ANO6: variants seen among roughly 807,000 people sequenced by gnomAD.
ANO6 encodes anoctamin 6.
ANO6 carries 106 observed loss-of-function variants against 117.5 expected under a neutral mutation model. That is an observed-to-expected ratio of 0.90 (90% CI 0.77 to 1.06). The LOEUF (loss-of-function observed/expected upper bound fraction) is 1.06, where lower values mean the gene tolerates loss of function less well. ANO6 is among the 50% of genes least tolerant of loss of function. The probability of loss-of-function intolerance (pLI) is 0.00; values close to 1 mark genes in which losing one functional copy is unlikely to be tolerated. For missense variants in ANO6, 955 were observed against 1,121.1 expected, an observed-to-expected ratio of 0.85 and a Z score of 2.12; for synonymous variants, 367 against 385.1, an observed-to-expected ratio of 0.95 and a Z score of 0.55.
At position 45,283,102 on chromosome 12, in the gene ANO6, A is replaced by G. The variant is rs559797632; in HGVS notation, c.71-18912A>G. Reference sequence around the variant, plus strand: ...CTTAGAAATTTTGGTGTCTCTCATAATGTTACACTCAACATCTTAACGTAC... The same window carrying G: ...CTTAGAAATTTTGGTGTCTCTCATAGTGTTACACTCAACATCTTAACGTAC... On this transcript the variant is annotated intron_variant, in intron 1 of 19. Transcript: ENST00000320560. Among the ~76,000 whole-genome samples the G allele has an allele frequency of 3.5e-4, 54 of 152,322 alleles. No individual in the cohort carries two copies. In the South Asian group the frequency reaches 5.0e-3, roughly 14 times the overall value.
chr12:45,280,035 T>C (rs1366890100), intron 1 of ANO6, among the ~76,000 whole-genome samples: 1 of 152,218 alleles, frequency 6.6e-6, no homozygotes, highest in African/African-American at 2.4e-5. Context: ...CACACTTGGA[T>C]TCATGTTCTC....
chr12:45,236,360 TC>T (rs1476118752), intron 1 of ANO6, among the ~76,000 whole-genome samples: 1 of 152,168 alleles, frequency 6.6e-6, no homozygotes, highest in Non-Finnish European at 1.5e-5. Context: ...AAAGTATTTC[TC>T]CTGATGATAT....
intron 1 of ANO6, among the ~76,000 whole-genome samples, chr12:45,274,861 A>G (rs2137241168): frequency 6.8e-6 from 1 of 147,394 alleles, no homozygotes; most frequent in South Asian, 2.2e-4. Context: ...TTGCTGCTGC[A>G]CTTCCTTCAG....
At chr12:45,340,242 A>G (rs979126579) in intron 3 of ANO6, among the ~76,000 whole-genome samples, 5 of 152,120 alleles carry the variant, frequency 3.3e-5, no homozygotes, top group African/African-American at 9.7e-5. Flanking sequence ...TAACCTCTCA[A>G]AAGAGGTATG....
rs1943593689 is a variant in ANO6 at position 45,429,893 on chromosome 12, G to C, written c.*582G>C. The C allele has an allele frequency of 1.0e-6, 1 of 989,234 alleles. No homozygotes were observed. The highest frequency in any genetic ancestry group is 1.2e-6 in the Non-Finnish European group (1 of 832,266). 61.3% of individuals were successfully genotyped at this position (989,234 alleles called of 1,614,324 possible). ...GAGGAAATAGTTTCAGTCTTCATTTGAGCATGTCTTTCCATCTCAAAAAAA... is the reference window on the plus strand; with the variant it reads ...GAGGAAATAGTTTCAGTCTTCATTTCAGCATGTCTTTCCATCTCAAAAAAA... On this transcript the variant is annotated 3_prime_UTR_variant, in exon 20 of 20. Transcript: ENST00000320560.
intron 1 of ANO6, among the ~76,000 whole-genome samples, chr12:45,271,837 G>T (rs1938402460): frequency 6.6e-6 from 1 of 152,152 alleles, no homozygotes; most frequent in Non-Finnish European, 1.5e-5. Context: ...TGCAAACTGG[G>T]CCTCGTTGTA....
intron 9 of ANO6, among the ~76,000 whole-genome samples, chr12:45,369,310 C>G (rs1332777650): frequency 6.6e-6 from 1 of 152,150 alleles, no homozygotes; most frequent in Non-Finnish European, 1.5e-5. Context: ...CCCTGAAGCA[C>G]TGGCTTTAAG....
chr12:45,227,261 C>G (rs1947498409), intron 1 of ANO6, among the ~76,000 whole-genome samples: 1 of 152,022 alleles, frequency 6.6e-6, no homozygotes, highest in African/African-American at 2.4e-5. Flanking sequence ...AAGTGATACC[C>G]ATAGTAAAGA....
chr12:45,430,857 G>C lies in ANO6; in HGVS notation c.*1546G>C. The C allele has an allele frequency of 3.0e-6, 3 of 985,376 alleles. No homozygotes were observed. Among genetic ancestry groups the C allele is most frequent in the Non-Finnish European group, 3.6e-6 (3 of 829,944 alleles). 61.0% of individuals were successfully genotyped at this position (985,376 alleles called of 1,614,324 possible). A position where few individuals can be genotyped will look rare whatever the true frequency, so the allele number is the denominator to read the frequency against. On this transcript the variant is annotated 3_prime_UTR_variant, in exon 20 of 20. Coordinates refer to ENST00000320560, the MANE Select transcript of ANO6 (RefSeq NM_001025356.3). Reference sequence around the variant, plus strand: ...CCCCTACTGGTAACAGGTCATTGCTGGGTGCACAAGAGGGAGGTGATTTGC... The same window carrying C: ...CCCCTACTGGTAACAGGTCATTGCTCGGTGCACAAGAGGGAGGTGATTTGC...
chr12:45,295,798 T>C (rs1427941168), intron 1 of ANO6, among the ~76,000 whole-genome samples: 1 of 152,108 alleles, frequency 6.6e-6, no homozygotes, highest in Non-Finnish European at 1.5e-5. Context: ...TTACCTCAAG[T>C]GATCCGTCCA....
intron 1 of ANO6, among the ~76,000 whole-genome samples, chr12:45,254,795 T>C (rs1043652021): frequency 5.9e-5 from 9 of 152,208 alleles, no homozygotes; most frequent in Non-Finnish European, 1.3e-4. Context: ...AGTAGAAATA[T>C]GAATTATGGC....
At chr12:45,356,951 G>A (rs531002941) in intron 7 of ANO6, among the ~76,000 whole-genome samples, 1 of 152,298 alleles carries the variant, frequency 6.6e-6, no homozygotes, top group East Asian at 1.9e-4. Context: ...ATAAAGAACA[G>A]TCTTTTGGAG....
chr12:45,286,842 C>T (rs1938931907), intron 1 of ANO6, among the ~76,000 whole-genome samples: 1 of 152,174 alleles, frequency 6.6e-6, no homozygotes, highest in Non-Finnish European at 1.5e-5. Flanking sequence ...TCCCATTTTC[C>T]AGGTGCAGAC....
At chr12:45,320,896 C>G (rs1463066888) in intron 2 of ANO6, among the ~76,000 whole-genome samples, 2 of 152,050 alleles carry the variant, frequency 1.3e-5, no homozygotes, top group Admixed American at 1.3e-4. Context: ...CTCTTTTGAT[C>G]TTTGTTGGTT....
In ANO6 at chr12:45,226,498, C is replaced by G. The variant is rs546531982; in HGVS notation, c.70+10107C>G. 9.3e-5 allele frequency among the ~76,000 whole-genome samples: 14 copies of G among 151,334 alleles called. No homozygotes were observed. The South Asian group carries it at 2.9e-3, about 32-fold the overall frequency. Reference sequence around the variant, plus strand: ...ATTATAACTTTGGCAGAACTTTAGCCTTAGGTCAAAGCCATGCAAATAGAT... The same window carrying G: ...ATTATAACTTTGGCAGAACTTTAGCGTTAGGTCAAAGCCATGCAAATAGAT... On this transcript the variant is annotated intron_variant, in intron 1 of 19. Coordinates refer to ENST00000320560, the MANE Select transcript of ANO6 (RefSeq NM_001025356.3).
In ANO6 at chr12:45,244,405, G is replaced by A. The variant is rs879638685; in HGVS notation, c.70+28014G>A. ...TTACTACATAGGGCTTCTCTATTTG[G>A]GGGGGGGGGGTGGTCTGTGGATCTG... On this transcript the variant is annotated intron_variant, in intron 1 of 19. Coordinates refer to ENST00000320560, the MANE Select transcript of ANO6 (RefSeq NM_001025356.3). 8.3e-3 allele frequency among the ~76,000 whole-genome samples: 859 copies of A among 103,938 alleles called. 3 individuals carry two copies. The highest frequency in any genetic ancestry group is 9.6e-3 in the Non-Finnish European group (518 of 53,870). 68.2% of individuals were successfully genotyped at this position (103,938 alleles called of 152,430 possible). A position where few individuals can be genotyped will look rare whatever the true frequency, so the allele number is the denominator to read the frequency against.
intron 2 of ANO6, among the ~76,000 whole-genome samples, chr12:45,322,084 A>G (rs961304947): frequency 6.6e-6 from 1 of 152,148 alleles, no homozygotes; most frequent in Admixed American, 6.6e-5. Flanking sequence ...GCAGATGGTA[A>G]TGCAGTTAGA....
chr12:45,281,977 A>G (rs1467311784), intron 1 of ANO6, among the ~76,000 whole-genome samples: 1 of 152,138 alleles, frequency 6.6e-6, no homozygotes, highest in Non-Finnish European at 1.5e-5. Flanking sequence ...GCTTGGCAGG[A>G]TGAGATGAAG....
chr12:45,301,991 T>C (rs1360649845), intron 1 of ANO6, 23 bp from the exon 2 acceptor site: 1 of 1,606,486 alleles, frequency 6.2e-7, no homozygotes, highest in Admixed American at 1.7e-5. Context: ...GCTTCATTTG[T>C]TTATATATTC....
Sources: allele counts gnomAD v4.1 joint callset (sites outside exome capture counted in the v4.1 genomes callset), GRCh38; gene constraint gnomAD v4.1.1; transcripts MANE v1.5; gene names NCBI Gene and HGNC (gene_info 2026-07-23, HGNC 2026-07-21).